The following C9orf72 variants were observed in gnomAD, a reference collection of about 807,000 sequenced individuals.
C9orf72 encodes the protein guanine nucleotide exchange factor C9orf72.
C9orf72 carries 44 observed loss-of-function variants against 51.6 expected under a neutral mutation model. The ratio of observed to expected loss-of-function variants is 0.85; its 90% CI spans 0.67 to 1.10. C9orf72 has a LOEUF of 1.10. Among genes scored for constraint, C9orf72 ranks in the 50% least tolerant of loss-of-function variants. C9orf72 has a pLI of 0.00. For missense variants in C9orf72, 607 were observed against 570.6 expected, an observed-to-expected ratio of 1.06 and a Z score of -0.65; for synonymous variants, 213 against 194.2, an observed-to-expected ratio of 1.10 and a Z score of -0.81.
At chr9:27,552,380 C>T (rs1820925787) in intron 8 of C9orf72, among the ~76,000 whole-genome samples, 1 of 152,016 alleles carries the variant, frequency 6.6e-6, no homozygotes. Context: ...CAGGGTCTCA[C>T]TCCGTTGCCC....
intron 8 of C9orf72, among the ~76,000 whole-genome samples, chr9:27,551,822 C>T (rs1369353789): frequency 6.6e-6 from 1 of 152,168 alleles, no homozygotes; most frequent in East Asian, 1.9e-4. Flanking sequence ...TAAAAAAGAA[C>T]ATTTCCATTT....
intron 3 of C9orf72, 37 bp downstream of exon 3, chr9:27,565,494 T>C: frequency 7.3e-7 from 1 of 1,370,462 alleles, no homozygotes; most frequent in Non-Finnish European, 1.0e-6. Flanking sequence ...ATACATGCTG[T>C]GAGAAAAACA....
At chr9:27,554,581 C>CA in intron 8 of C9orf72, 2 of 398,254 alleles carry the variant, frequency 5.0e-6, no homozygotes, top group East Asian at 7.1e-5. Flanking sequence ...ACCCTCATGA[C>CA]ACGCAATTTA....
chr9:27,570,437 T>C lies in C9orf72; in HGVS notation c.-45+2994A>G, dbSNP rs577375704. Among the ~76,000 whole-genome samples, 13 of 152,324 alleles carry C rather than the reference T, an allele frequency of 8.5e-5. No individual in the cohort carries two copies. The South Asian group carries it at 2.3e-3, about 27-fold the overall frequency. ...CAACTCTAATATTTCATCATTAAAC[T>C]GAAAATAAAAGTATTTCCTAAAACA... On this transcript the variant is annotated intron_variant, in intron 1 of 10. Coordinates refer to ENST00000380003, the MANE Select transcript of C9orf72 (RefSeq NM_018325.5).
chr9:27,556,598 T>C lies in C9orf72; in HGVS notation c.1054A>G (p.Thr352Ala), dbSNP rs972582676. ...AAGCTTTCGTCAGTGTAGATGATCGTATCCTGAGCCATGTCTTCTTCTGAA... is the reference window on the plus strand; with the variant it reads ...AAGCTTTCGTCAGTGTAGATGATCGCATCCTGAGCCATGTCTTCTTCTGAA... ...ATSEEDMAQD[T>A]IIYTDESFTP... Residue 352 changes from threonine to alanine, a missense_variant, in exon 8 of 11, where the codon ACG becomes GCG. Thr to Ala is a moderately conservative substitution (Grantham distance 58). Coordinates refer to ENST00000380003, the MANE Select transcript of C9orf72 (RefSeq NM_018325.5). The C allele has an allele frequency of 6.2e-7, 1 of 1,613,934 alleles. No homozygotes were observed. Among genetic ancestry groups the C allele is most frequent in the Non-Finnish European group, 8.5e-7 (1 of 1,179,846 alleles).
chr9:27,560,890 G>C (rs1274213172), intron 5 of C9orf72: 2 of 494,404 alleles, frequency 4.0e-6, no homozygotes, highest in Admixed American at 6.4e-5. Flanking sequence ...AAAGCAACTA[G>C]TAAAGGAACT....
At chr9:27,561,230 T>A in intron 5 of C9orf72, 1 of 1,052,060 alleles carries the variant, frequency 9.5e-7, no homozygotes, top group Non-Finnish European at 1.2e-6. Context: ...TAAATATGAA[T>A]AATTTTGTTC....
chr9:27,561,744 A>G (rs1819355474), intron 4 of C9orf72, 95 bp from the exon 5 acceptor site: 4 of 710,574 alleles, frequency 5.6e-6, no homozygotes, highest in East Asian at 2.9e-5. Flanking sequence ...TCTGGATTCA[A>G]TATAACACAC....
intron 1 of C9orf72, among the ~76,000 whole-genome samples, chr9:27,568,720 G>T (rs1436175664): frequency 6.6e-6 from 1 of 152,112 alleles, no homozygotes; most frequent in Non-Finnish European, 1.5e-5. Context: ...GTTATTTAAA[G>T]TATAGCACAT....
At chr9:27,552,220 G>C (rs185193129) in intron 8 of C9orf72, among the ~76,000 whole-genome samples, 34 of 152,282 alleles carry the variant, frequency 2.2e-4, no homozygotes, top group African/African-American at 7.5e-4. Context: ...TCCTTGTCTT[G>C]TTACGGTTCT....
At chr9:27,558,916 C>G (rs904724984) in intron 6 of C9orf72, 5 of 209,466 alleles carry the variant, frequency 2.4e-5, no homozygotes, top group African/African-American at 1.2e-4. Flanking sequence ...CTTATTTGAC[C>G]ATGCAACTTT....
chr9:27,573,793 T>A (rs962845894), upstream of C9orf72: 3 of 152,342 alleles, frequency 2.0e-5, no homozygotes, highest in East Asian at 3.9e-4. Flanking sequence ...ACACCAAGCG[T>A]CATCTTTTAC....
chr9:27,548,952 C>A (rs1442642813), intron 9 of C9orf72, among the ~76,000 whole-genome samples: 1 of 151,788 alleles, frequency 6.6e-6, no homozygotes, highest in East Asian at 1.9e-4. Context: ...TCAAGCGATT[C>A]TCCTGCCTCA....
intron 6 of C9orf72, 21 bp from the exon 7 acceptor site, chr9:27,558,628 G>A (rs1251234629): frequency 3.1e-6 from 4 of 1,305,758 alleles, no homozygotes; most frequent in Non-Finnish European, 4.3e-6. Flanking sequence ...AAATATTTTA[G>A]CATTAAAACA....
Position 27,567,071 on chromosome 9 carries a change from ATC to A in C9orf72, c.48_49del (p.Glu16AspfsTer24). 1.2e-6 allele frequency: 2 copies of A among 1,614,020 alleles called. No individual in the cohort carries two copies. The highest frequency in any genetic ancestry group is 1.1e-5 in the South Asian group (1 of 91,078). On this transcript the variant is annotated frameshift_variant, in exon 2 of 11. Transcript: ENST00000380003. LOFTEE classifies it high-confidence loss of function. ...TAAAGGTGATTTGCCACTTAAAGCA[ATC>A]TCTGTCTTGGCAACAGCTGGAGATG...
At chr9:27,555,586 C>T (rs540399368) in intron 8 of C9orf72, among the ~76,000 whole-genome samples, 31 of 143,584 alleles carry the variant, frequency 2.2e-4, no homozygotes, top group African/African-American at 8.1e-4. Context: ...TTAAATAAGA[C>T]AGAGTCTCGG....
At chr9:27,562,303 G>T in intron 4 of C9orf72, 78 bp downstream of exon 4, 1 of 512,922 alleles carries the variant, frequency 1.9e-6, no homozygotes, top group Non-Finnish European at 3.2e-6. Flanking sequence ...ATTAAAATTA[G>T]AATATTAATA....
chr9:27,562,725 T>C (rs1362065604), intron 3 of C9orf72, among the ~76,000 whole-genome samples: 2 of 151,264 alleles, frequency 1.3e-5, no homozygotes, highest in Non-Finnish European at 2.9e-5. Flanking sequence ...CAGGCTGGAG[T>C]GCAATGGCGT....
At chr9:27,572,838 A>G (rs537321493) in intron 1 of C9orf72, among the ~76,000 whole-genome samples, 10 of 152,190 alleles carry the variant, frequency 6.6e-5, no homozygotes, top group Admixed American at 2.0e-4. Context: ...GGAGCTGTGA[A>G]GCAACCAGGT....
Sources: gnomAD v4.1 joint callset for allele counts (sites outside exome capture counted in the v4.1 genomes callset) on GRCh38, gnomAD v4.1.1 for gene constraint, MANE v1.5 for transcripts, NCBI Gene and HGNC (gene_info 2026-07-23, HGNC 2026-07-21) for gene names.